The following FAM171A1 variants were observed in gnomAD, a reference collection of about 807,000 sequenced individuals.
FAM171A1 encodes protein FAM171A1.
FAM171A1 carries 23 observed loss-of-function variants against 74.9 expected under a neutral mutation model. The observed-to-expected ratio is 0.31, with a 90% CI of 0.22 to 0.44. The LOEUF (loss-of-function observed/expected upper bound fraction) is 0.44. Among genes scored for constraint, FAM171A1 ranks in the 20% least tolerant of loss-of-function variants. FAM171A1 has a pLI of 1.00. For missense variants in FAM171A1, 1,162 were observed against 1,159.2 expected, an observed-to-expected ratio of 1.00 and a Z score of -0.03; for synonymous variants, 527 against 505.7, an observed-to-expected ratio of 1.04 and a Z score of -0.57.
chr10:15,244,310 T>C (rs1834403035), intron 5 of FAM171A1, among the ~76,000 whole-genome samples: 1 of 152,168 alleles, frequency 6.6e-6, no homozygotes, highest in African/African-American at 2.4e-5. Flanking sequence ...AGCTGAGATC[T>C]TGCCACAGCA....
intron 3 of FAM171A1, among the ~76,000 whole-genome samples, chr10:15,265,150 T>A (rs1186320127): frequency 6.6e-6 from 1 of 152,144 alleles, no homozygotes; most frequent in Non-Finnish European, 1.5e-5. Flanking sequence ...TTAACTATAA[T>A]GAAAACTACC....
At chr10:15,347,018 TGTA>T (rs1458560820) in intron 1 of FAM171A1, among the ~76,000 whole-genome samples, 2 of 152,194 alleles carry the variant, frequency 1.3e-5, no homozygotes, top group Non-Finnish European at 2.9e-5. Flanking sequence ...CTACGTCAAC[TGTA>T]GTAAAAGAGA....
intron 1 of FAM171A1, among the ~76,000 whole-genome samples, chr10:15,306,089 C>T (rs192348969): frequency 5.3e-4 from 81 of 152,304 alleles, no homozygotes; most frequent in African/African-American, 1.8e-3. Context: ...AAATGTATCA[C>T]GGGCATGGGT....
At chr10:15,235,728 T>C (rs918686380) in intron 5 of FAM171A1, among the ~76,000 whole-genome samples, 3 of 152,224 alleles carry the variant, frequency 2.0e-5, no homozygotes, top group African/African-American at 7.2e-5. Context: ...AATATTTTCA[T>C]GTTAAGTTGT....
chr10:15,245,556 T>C (rs947822242), intron 5 of FAM171A1, among the ~76,000 whole-genome samples: 2 of 152,254 alleles, frequency 1.3e-5, no homozygotes, highest in Admixed American at 1.3e-4. Flanking sequence ...AATACACTCA[T>C]TATAACAACA....
chr10:15,296,092 G>A (rs911084609), intron 1 of FAM171A1, among the ~76,000 whole-genome samples: 5 of 152,166 alleles, frequency 3.3e-5, no homozygotes, highest in Admixed American at 6.5e-5. Context: ...TGCCTAATGC[G>A]TGAAGGGGTG....
In FAM171A1 at chr10:15,336,939, C is replaced by T. The variant is rs149442645; in HGVS notation, c.97+34017G>A. Reference sequence around the variant, plus strand: ...TGAGACAGGCTCTTGCCCTGCTGCCCGGCTGAGTACAGTGGTGTGATCACA... The same window carrying T: ...TGAGACAGGCTCTTGCCCTGCTGCCTGGCTGAGTACAGTGGTGTGATCACA... On this transcript the variant is annotated intron_variant, in intron 1 of 7. Transcript: ENST00000378116. Among the ~76,000 whole-genome samples, 581 of 152,068 alleles carry T rather than the reference C, an allele frequency of 3.8e-3. 1 individual carries two copies. Among genetic ancestry groups the T allele is most frequent in the African/African-American group, 0.013 (554 of 41,486 alleles).
In FAM171A1 at chr10:15,258,088, T is replaced by C. The variant is rs192399030; in HGVS notation, c.419-3209A>G. On this transcript the variant is annotated intron_variant, in intron 3 of 7. Transcript: ENST00000378116. ...TTTTTCTTTTTTTTCTCAGAGAGAG[T>C]CTTGCTCTGTTGCCCAGGCTGGAGT... 2.0e-3 allele frequency among the ~76,000 whole-genome samples: 303 copies of C among 152,096 alleles called. 2 individuals are homozygous for C. The highest frequency in any genetic ancestry group is 7.1e-3 in the African/African-American group (293 of 41,492).
intron 1 of FAM171A1, among the ~76,000 whole-genome samples, chr10:15,288,734 T>C (rs955550176): frequency 1.7e-4 from 26 of 151,826 alleles, no homozygotes; most frequent in African/African-American, 6.0e-4. Context: ...GTTCTACAAT[T>C]ATATACGTTA....
chr10:15,327,599 C>T (rs528132906), intron 1 of FAM171A1, among the ~76,000 whole-genome samples: 1 of 152,144 alleles, frequency 6.6e-6, no homozygotes, highest in South Asian at 2.1e-4. Context: ...TGCAGTGAGC[C>T]GTGATTGCAC....
At chr10:15,265,079 G>A (rs902714796) in intron 3 of FAM171A1, among the ~76,000 whole-genome samples, 1 of 152,088 alleles carries the variant, frequency 6.6e-6, no homozygotes, top group Admixed American at 6.5e-5. Flanking sequence ...AGCTGGCATG[G>A]AAATGAGATT....
intron 3 of FAM171A1, among the ~76,000 whole-genome samples, chr10:15,274,600 A>G (rs1190036682): frequency 6.6e-6 from 1 of 152,226 alleles, no homozygotes. Context: ...CCAAAAGAAC[A>G]AAGCTGGAGG....
chr10:15,257,534 C>A (rs1271085589), intron 3 of FAM171A1, among the ~76,000 whole-genome samples: 2 of 152,116 alleles, frequency 1.3e-5, no homozygotes, highest in African/African-American at 2.4e-5. Flanking sequence ...TCTCTCTCCC[C>A]ACTTGTGCAG....
At chr10:15,275,246 T>G (rs530177105) in intron 3 of FAM171A1, among the ~76,000 whole-genome samples, 3 of 151,906 alleles carry the variant, frequency 2.0e-5, no homozygotes, top group Non-Finnish European at 4.4e-5. Context: ...GAACTTAAAG[T>G]ATGATGTATA....
intron 6 of FAM171A1, among the ~76,000 whole-genome samples, chr10:15,218,272 G>T (rs1160440015): frequency 2.6e-5 from 4 of 151,786 alleles, no homozygotes; most frequent in Admixed American, 2.6e-4. Context: ...GTAGAGACAG[G>T]GTTTCAACGT....
At chr10:15,249,102 T>TA (rs1002977657) in intron 4 of FAM171A1, among the ~76,000 whole-genome samples, 1 of 146,332 alleles carries the variant, frequency 6.8e-6, no homozygotes, top group South Asian at 2.2e-4. Context: ...TTTTTTCTTT[T>TA]TTTTTTTTTT....
At chr10:15,324,259 T>C (rs1327484644) in intron 1 of FAM171A1, among the ~76,000 whole-genome samples, 1 of 152,084 alleles carries the variant, frequency 6.6e-6, no homozygotes, top group Non-Finnish European at 1.5e-5. Context: ...CTCCGTCTTT[T>C]CCTAAAGGAA....
intron 5 of FAM171A1, among the ~76,000 whole-genome samples, chr10:15,228,721 T>A (rs1379137213): frequency 6.6e-6 from 1 of 152,210 alleles, no homozygotes; most frequent in Non-Finnish European, 1.5e-5. Context: ...CCCAGCAGCA[T>A]AAAGGGTCAA....
upstream of FAM171A1, among the ~76,000 whole-genome samples, chr10:15,371,492 G>A (rs1261103471): frequency 1.3e-5 from 2 of 151,914 alleles, no homozygotes; most frequent in East Asian, 1.9e-4. Flanking sequence ...CTTTCAGGGC[G>A]GAGCCCTTTT....
Sources: gnomAD v4.1 joint callset for allele counts (sites outside exome capture counted in the v4.1 genomes callset) on GRCh38, gnomAD v4.1.1 for gene constraint, MANE v1.5 for transcripts, NCBI Gene and HGNC (gene_info 2026-07-23, HGNC 2026-07-21) for gene names.